LPCAT2: variants seen among roughly 807,000 people sequenced by gnomAD.
LPCAT2 encodes lysophosphatidylcholine acyltransferase 2.
A neutral mutation model predicts 64.7 loss-of-function variants in LPCAT2; 58 were observed. The observed-to-expected ratio is 0.90, with a 90% confidence interval of 0.73 to 1.12. LPCAT2 has a LOEUF of 1.12. Ranked by LOEUF, LPCAT2 falls within the 50% of genes most tolerant of loss-of-function variation. LPCAT2 has a pLI of 0.00. For synonymous variants in LPCAT2, 252 were observed against 245.3 expected (o/e 1.03, Z -0.26); for missense variants, 579 against 669.8 (o/e 0.86, Z 1.50).
At chr16:55,551,268 T>A in intron 11 of LPCAT2, 166 bp downstream of exon 11, 1 of 414,554 alleles carries the variant, frequency 2.4e-6, no homozygotes, top group Non-Finnish European at 4.2e-6. Flanking sequence ...ATAGTAATAT[T>A]AATAATTGTG....
At chr16:55,573,395 T>G (rs563516402) in intron 11 of LPCAT2, among the ~76,000 whole-genome samples, 4 of 56,654 alleles carry the variant, frequency 7.1e-5, no homozygotes, top group South Asian at 4.2e-4. Context: ...TGTTTTTTTG[T>G]TTTTTTTTTT....
At chr16:55,574,120 G>C (rs1393258) in intron 11 of LPCAT2, among the ~76,000 whole-genome samples, 81,544 of 152,030 alleles carry the variant, frequency 0.54, 22,176 homozygotes, top group East Asian at 0.73. Context: ...GTTGCTCCTG[G>C]TTTACTATAG....
At chr16:55,558,309 C>T (rs1963599558) in intron 11 of LPCAT2, among the ~76,000 whole-genome samples, 1 of 152,214 alleles carries the variant, frequency 6.6e-6, no homozygotes, top group South Asian at 2.1e-4. Flanking sequence ...ATCATTTTTA[C>T]AGTTATAACA....
chr16:55,534,833 C>T (rs1322584710), intron 7 of LPCAT2, among the ~76,000 whole-genome samples: 2 of 152,050 alleles, frequency 1.3e-5, no homozygotes, highest in Admixed American at 1.3e-4. Context: ...TGTCTCTATC[C>T]TTACTTACTA....
chr16:55,566,987 A>T (rs767765531), intron 11 of LPCAT2: 2 of 1,613,936 alleles, frequency 1.2e-6, no homozygotes, highest in Admixed American at 1.7e-5. Flanking sequence ...AAAGTGAGGA[A>T]GTTAGGCGAT....
intron 7 of LPCAT2, among the ~76,000 whole-genome samples, chr16:55,536,755 TA>T (rs1489836942): frequency 1.3e-5 from 2 of 152,188 alleles, no homozygotes; most frequent in Admixed American, 6.5e-5. Context: ...CTAATGAGAC[TA>T]AACTAAAAAT....
At chr16:55,530,764 A>G (rs1596858193) in intron 4 of LPCAT2, among the ~76,000 whole-genome samples, 1 of 152,126 alleles carries the variant, frequency 6.6e-6, no homozygotes, top group Non-Finnish European at 1.5e-5. Context: ...CTGTGGATCC[A>G]AAGACTATAT....
At chr16:55,518,942 T>TAA (rs1423993374) in intron 1 of LPCAT2, among the ~76,000 whole-genome samples, 1 of 152,020 alleles carries the variant, frequency 6.6e-6, no homozygotes, top group Non-Finnish European at 1.5e-5. Flanking sequence ...TTCATCAAAA[T>TAA]AAAACACTTT....
At chr16:55,527,011 G>A (rs998625318) in intron 2 of LPCAT2, among the ~76,000 whole-genome samples, 1 of 152,056 alleles carries the variant, frequency 6.6e-6, no homozygotes, top group Non-Finnish European at 1.5e-5. Context: ...AAGAGGTGTG[G>A]AAATTTGATA....
chr16:55,566,591 T>C, intron 11 of LPCAT2: 1 of 688,270 alleles, frequency 1.5e-6, no homozygotes, highest in Non-Finnish European at 2.4e-6. Context: ...CTCATGGAAC[T>C]CAGGTATCTT....
chr16:55,572,546 A>G (rs1304052636), intron 11 of LPCAT2, among the ~76,000 whole-genome samples: 1 of 152,198 alleles, frequency 6.6e-6, no homozygotes, highest in East Asian at 1.9e-4. Context: ...AGAAAATTAA[A>G]TGGTGGTGGC....
intron 11 of LPCAT2, among the ~76,000 whole-genome samples, chr16:55,553,762 C>T (rs1037094047): frequency 6.6e-6 from 1 of 152,232 alleles, no homozygotes; most frequent in Non-Finnish European, 1.5e-5. Context: ...AGAAGAATCA[C>T]TAGCTATGGC....
chr16:55,535,942 T>C (rs1963318614), intron 7 of LPCAT2, among the ~76,000 whole-genome samples: 1 of 152,146 alleles, frequency 6.6e-6, no homozygotes, highest in Admixed American at 6.6e-5. Flanking sequence ...CTGAGAAGTA[T>C]GTGAGAAGAG....
At position 55,528,378 on chromosome 16, in the gene LPCAT2, A is replaced by G; in HGVS notation, c.313A>G (p.Lys105Glu). Residue 105 changes from lysine to glutamate, a missense_variant and splice_region_variant, in exon 3 of 14, where the codon AAA becomes GAA. Coordinates refer to ENST00000262134, the MANE Select transcript of LPCAT2 (RefSeq NM_017839.5). Reference protein sequence around the residue: ...LTHPITGWRRKITQTALKFLG... With the variant: ...LTHPITGWRREITQTALKFLG... Reference sequence around the variant, plus strand: ...TACATCTTTTCTATATTTTCAAAGGAAAATTACTCAAACAGCTTTGAAATT... The same window carrying G: ...TACATCTTTTCTATATTTTCAAAGGGAAATTACTCAAACAGCTTTGAAATT... 10 of 1,611,494 alleles carry G rather than the reference A, an allele frequency of 6.2e-6. No homozygotes were observed. Among genetic ancestry groups the G allele is most frequent in the Non-Finnish European group, 8.5e-6 (10 of 1,178,194 alleles).
At chr16:55,511,143 T>A (rs1962926438) in intron 1 of LPCAT2, among the ~76,000 whole-genome samples, 1 of 152,190 alleles carries the variant, frequency 6.6e-6, no homozygotes, top group East Asian at 1.9e-4. Context: ...GGGCTACAAT[T>A]AAGTGAAATA....
intron 13 of LPCAT2, among the ~76,000 whole-genome samples, chr16:55,582,713 G>C (rs558329643): frequency 1.1e-4 from 17 of 152,210 alleles, no homozygotes; most frequent in Middle Eastern, 3.4e-3. Context: ...GGGTCAAAGA[G>C]TATGTATATC....
Position 55,586,656 on chromosome 16 carries a change from T to C in LPCAT2, c.*3558T>C, listed in dbSNP as rs1249334558. ...ATCATTCTTCTAATATTAAACATAT[T>C]GTGTCCAGAATTTATTTCTTCTGGT... On this transcript the variant is annotated 3_prime_UTR_variant, in exon 14 of 14. Coordinates refer to ENST00000262134, the MANE Select transcript of LPCAT2 (RefSeq NM_017839.5). The C allele has an allele frequency of 6.7e-6, 1 of 148,720 alleles. No individual in the cohort carries two copies. The highest frequency in any genetic ancestry group is 6.8e-5 in the Admixed American group (1 of 14,722). 9.2% of individuals were successfully genotyped at this position (148,720 alleles called of 1,614,324 possible).
chr16:55,569,907 A>G (rs1567405875), intron 11 of LPCAT2, among the ~76,000 whole-genome samples: 2 of 152,236 alleles, frequency 1.3e-5, no homozygotes, highest in Non-Finnish European at 1.5e-5. Context: ...TAGAAGCAAT[A>G]TTTAACTTGA....
intron 2 of LPCAT2, among the ~76,000 whole-genome samples, 158 bp from the exon 3 acceptor site, chr16:55,528,218 GA>G (rs1248178792): frequency 7.2e-5 from 11 of 152,194 alleles, no homozygotes; most frequent in African/African-American, 2.4e-4. Flanking sequence ...GCACCTGGCA[GA>G]AACAGCTCCA....
Sources: gnomAD v4.1 joint callset for allele counts (sites outside exome capture counted in the v4.1 genomes callset) on GRCh38, gnomAD v4.1.1 for gene constraint, MANE v1.5 for transcripts, NCBI Gene and HGNC (gene_info 2026-07-23, HGNC 2026-07-21) for gene names.